The following MGAT4C variants were observed in gnomAD, a reference collection of about 807,000 sequenced individuals.
The protein encoded by MGAT4C is MGAT4 family member C.
In MGAT4C, 19 loss-of-function variants were observed where a neutral mutation model predicts 40.1. That is an observed-to-expected ratio of 0.47 (90% CI 0.33 to 0.70). The LOEUF (loss-of-function observed/expected upper bound fraction) is 0.70, where lower values mean the gene tolerates loss of function less well. Among genes scored for constraint, MGAT4C ranks in the 30% least tolerant of loss-of-function variants. MGAT4C has a pLI of 0.02. For synonymous variants in MGAT4C, 181 were observed against 187.1 expected, an observed-to-expected ratio of 0.97 and a Z score of 0.27; for missense variants, 491 against 563.2, an observed-to-expected ratio of 0.87 and a Z score of 1.30.
chr12:86,542,175 G>T (rs957117332), intron 2 of MGAT4C, among the ~76,000 whole-genome samples: 1 of 152,084 alleles, frequency 6.6e-6, no homozygotes, highest in African/African-American at 2.4e-5. Flanking sequence ...GGGAAATAGG[G>T]CTCAGTGATA....
At chr12:86,483,268 G>A (rs994931920) in intron 2 of MGAT4C, among the ~76,000 whole-genome samples, 1 of 152,090 alleles carries the variant, frequency 6.6e-6, no homozygotes, top group Non-Finnish European at 1.5e-5. Context: ...TGTACATTAG[G>A]TGTCAACAAA....
intron 4 of MGAT4C, among the ~76,000 whole-genome samples, chr12:86,293,812 T>C (rs556036222): frequency 6.6e-6 from 1 of 152,262 alleles, no homozygotes; most frequent in African/African-American, 2.4e-5. Flanking sequence ...AAGTTCCTCC[T>C]GCATTCACTC....
intron 1 of MGAT4C, among the ~76,000 whole-genome samples, chr12:86,765,955 T>A (rs1951499215): frequency 6.6e-6 from 1 of 152,182 alleles, no homozygotes; most frequent in South Asian, 2.1e-4. Context: ...AGAAACTGCA[T>A]CAACTAATGA....
chr12:86,405,176 C>T (rs1483998523), intron 3 of MGAT4C, among the ~76,000 whole-genome samples: 5 of 151,810 alleles, frequency 3.3e-5, no homozygotes, highest in Non-Finnish European at 5.9e-5. Flanking sequence ...CTTGCCAGTA[C>T]AATAAGGCAA....
At chr12:86,596,270 A>T (rs1961535332) in intron 2 of MGAT4C, among the ~76,000 whole-genome samples, 1 of 152,220 alleles carries the variant, frequency 6.6e-6, no homozygotes, top group South Asian at 2.1e-4. Flanking sequence ...TGACACCAGT[A>T]TCTGACATCA....
chr12:86,361,590 G>A (rs1312618227), intron 3 of MGAT4C, among the ~76,000 whole-genome samples: 4 of 152,188 alleles, frequency 2.6e-5, no homozygotes, highest in Non-Finnish European at 4.4e-5. Flanking sequence ...CTACCCATCT[G>A]ACAAAGGGCT....
At chr12:86,459,924 T>A (rs953387723) in intron 2 of MGAT4C, among the ~76,000 whole-genome samples, 1 of 152,072 alleles carries the variant, frequency 6.6e-6, no homozygotes, top group Admixed American at 6.6e-5. Flanking sequence ...TTAATTTGAA[T>A]AACAACCTAT....
intron 1 of MGAT4C, among the ~76,000 whole-genome samples, chr12:86,762,130 C>T (rs1267638614): frequency 1.3e-5 from 2 of 151,688 alleles, no homozygotes; most frequent in African/African-American, 4.8e-5. Flanking sequence ...TGGCTCACTG[C>T]AGTCTTAACC....
rs1437802970 is a variant in MGAT4C, at chr12:86,205,800, A to AC, written c.-57+50438_-57+50439insG. Among the ~76,000 whole-genome samples the AC allele has an allele frequency of 3.3e-5, 5 of 152,080 alleles. No homozygotes were observed. The East Asian group carries it at 9.6e-4, about 29-fold the overall frequency. ...AGACTTCCATAAGAATCAGGAAATT[A>AC]TTTACTTTGACCTAAATTAATTTGA... is the stretch of plus-strand genomic sequence containing the variant. On this transcript the variant is annotated intron_variant, in intron 1 of 4. Coordinates refer to ENST00000611864, the MANE Select transcript of MGAT4C (RefSeq NM_001351288.2).
intron 2 of MGAT4C, among the ~76,000 whole-genome samples, chr12:86,669,931 G>A (rs1964210795): frequency 6.6e-6 from 1 of 151,976 alleles, no homozygotes; most frequent in Admixed American, 6.6e-5. Flanking sequence ...ATAAGGACAT[G>A]GAATCAAAGC....
chr12:86,753,517 T>A (rs1456717794), intron 1 of MGAT4C, among the ~76,000 whole-genome samples: 11 of 152,100 alleles, frequency 7.2e-5, no homozygotes, highest in Admixed American at 7.2e-4. Context: ...CACCTCTGTA[T>A]TTCTGTGTGT....
At chr12:86,353,432 T>C (rs147734679) in intron 3 of MGAT4C, among the ~76,000 whole-genome samples, 2 of 152,290 alleles carry the variant, frequency 1.3e-5, no homozygotes, top group African/African-American at 4.8e-5. Context: ...CACTTTATTC[T>C]CCCATCTCTT....
intron 2 of MGAT4C, among the ~76,000 whole-genome samples, chr12:86,635,295 G>T (rs1963184779): frequency 6.6e-6 from 1 of 152,088 alleles, no homozygotes; most frequent in Non-Finnish European, 1.5e-5. Context: ...TTCTTTGGTT[G>T]CTGGGGTAAG....
chr12:86,145,874 T>C (rs1883443478), intron 1 of MGAT4C, among the ~76,000 whole-genome samples: 1 of 152,144 alleles, frequency 6.6e-6, no homozygotes, highest in Non-Finnish European at 1.5e-5. Flanking sequence ...TATTAGACCC[T>C]AGGGGAACAC....
At chr12:86,197,786 G>T (rs1949880422) in intron 1 of MGAT4C, among the ~76,000 whole-genome samples, 1 of 152,234 alleles carries the variant, frequency 6.6e-6, no homozygotes, top group South Asian at 2.1e-4. Flanking sequence ...AGTAAAAGAT[G>T]CATTCTTAGT....
Position 86,350,299 on chromosome 12 carries a change from G to A in MGAT4C, c.-119-16172C>T, listed in dbSNP as rs764923914. 5.3e-5 allele frequency among the ~76,000 whole-genome samples: 8 copies of A among 152,226 alleles called. No homozygotes were observed. The East Asian group carries it at 5.8e-4, about 11-fold the overall frequency. ...AACGTCCCAAGGAAAAATGAAGTGGGCTGAATGTTGAACTCACCTTAATGG... is the reference window on the plus strand; with the variant it reads ...AACGTCCCAAGGAAAAATGAAGTGGACTGAATGTTGAACTCACCTTAATGG... On this transcript the variant is annotated intron_variant, in intron 3 of 7. Coordinates refer to the MGAT4C transcript ENST00000548651.
chr12:86,321,426 C>T (rs1954383524), intron 4 of MGAT4C, among the ~76,000 whole-genome samples: 1 of 152,154 alleles, frequency 6.6e-6, no homozygotes, highest in Admixed American at 6.5e-5. Flanking sequence ...ATTTTCCAGA[C>T]CAAATGAAAC....
intron 1 of MGAT4C, among the ~76,000 whole-genome samples, chr12:86,114,156 A>T (rs1372241600): frequency 1.3e-5 from 2 of 151,810 alleles, no homozygotes; most frequent in Non-Finnish European, 2.9e-5. Context: ...CTGATGATTG[A>T]TTTTTGTGTA....
At chr12:86,832,539 G>A (rs746098075) in intron 1 of MGAT4C, among the ~76,000 whole-genome samples, 1 of 151,710 alleles carries the variant, frequency 6.6e-6, no homozygotes, top group African/African-American at 2.4e-5. Context: ...TCATACCTGC[G>A]ATTTACCTAA....
Sources: allele counts gnomAD v4.1 joint callset (sites outside exome capture counted in the v4.1 genomes callset), GRCh38; gene constraint gnomAD v4.1.1; transcripts MANE v1.5; gene names NCBI Gene and HGNC (gene_info 2026-07-23, HGNC 2026-07-21).